GNAZ: variants seen among roughly 807,000 people sequenced by gnomAD.
The protein encoded by GNAZ is guanine nucleotide-binding protein G(z) subunit alpha.
Under a neutral mutation model 25.4 loss-of-function variants are expected in GNAZ, and 3 were observed. The observed-to-expected ratio is 0.12, with a 90% confidence interval of 0.05 to 0.30. GNAZ has a LOEUF of 0.30. GNAZ is among the 10% of genes least tolerant of loss of function. The probability of loss-of-function intolerance (pLI) is 1.00; values close to 1 mark genes in which losing one functional copy is unlikely to be tolerated. For synonymous variants in GNAZ, 211 were observed against 205.7 expected (o/e 1.03, Z -0.22); for missense variants, 241 against 501.8 (o/e 0.48, Z 4.97).
intron 2 of GNAZ, among the ~76,000 whole-genome samples, chr22:23,115,964 G>C (rs1031514345): frequency 1.3e-5 from 2 of 152,354 alleles, no homozygotes; most frequent in Middle Eastern, 3.4e-3. Flanking sequence ...GTTGGCTGAG[G>C]GCCTGGGCCA....
intron 2 of GNAZ, among the ~76,000 whole-genome samples, chr22:23,118,624 A>G (rs1369433108): frequency 6.6e-6 from 1 of 152,140 alleles, no homozygotes; most frequent in Non-Finnish European, 1.5e-5. Flanking sequence ...TGGGCCCCAT[A>G]TGTGAAGTGA....
chr22:23,123,071 A>G lies in GNAZ; in HGVS notation c.724-16A>G. ...TGCTGCGGGCCTGATTAACGCCAGT[A>G]CTTTCCTTTCCCCAGAGTCGGATGG... On this transcript the variant is annotated splice_polypyrimidine_tract_variant and intron_variant, in intron 2 of 2. Transcript: ENST00000615612. 6.4e-7 allele frequency: 1 copy of G among 1,572,256 alleles called. No individual in the cohort carries two copies. The highest frequency in any genetic ancestry group is 1.1e-5 in the South Asian group (1 of 90,082).
At chr22:23,087,245 T>G (rs2068845241) in intron 1 of GNAZ, among the ~76,000 whole-genome samples, 1 of 152,066 alleles carries the variant, frequency 6.6e-6, no homozygotes, top group Non-Finnish European at 1.5e-5. Flanking sequence ...GCAGGAGGAT[T>G]GCTTGAGCCC....
At chr22:23,077,154 C>A (rs2068528245) in intron 1 of GNAZ, among the ~76,000 whole-genome samples, 5 of 152,150 alleles carry the variant, frequency 3.3e-5, no homozygotes, top group African/African-American at 1.2e-4. Context: ...GACTGGTGAA[C>A]CTCACCACTG....
intron 1 of GNAZ, among the ~76,000 whole-genome samples, chr22:23,094,157 G>A (rs191640781): frequency 0.034 from 5,182 of 152,252 alleles, 303 homozygotes; most frequent in African/African-American, 0.12. Context: ...AGGGGCGAAT[G>A]CTGCCTGTGG....
Position 23,080,824 on chromosome 22 carries a change from G to A in GNAZ, c.-450+10254G>A, listed in dbSNP as rs149213849. Among the ~76,000 whole-genome samples the A allele has an allele frequency of 2.5e-3, 377 of 152,308 alleles. 1 individual carries two copies. Among genetic ancestry groups the A allele is most frequent in the African/African-American group, 8.5e-3 (353 of 41,564 alleles). On this transcript the variant is annotated intron_variant, in intron 1 of 2. Transcript: ENST00000615612. Reference sequence around the variant, plus strand: ...ACAAGCCTTGAGGAAATCTTGGCGCGCAAAAACCCTTTTTACCTCTGTCAT... The same window carrying A: ...ACAAGCCTTGAGGAAATCTTGGCGCACAAAAACCCTTTTTACCTCTGTCAT...
intron 2 of GNAZ, 74 bp from the exon 3 acceptor site, chr22:23,123,013 G>C (rs2070075601): frequency 2.1e-6 from 2 of 975,308 alleles, no homozygotes; most frequent in Non-Finnish European, 3.2e-6. Context: ...GGCTTCCTCT[G>C]GCAGGGCTGC....
At chr22:23,091,528 A>G (rs1329654936) in intron 1 of GNAZ, among the ~76,000 whole-genome samples, 2 of 148,756 alleles carry the variant, frequency 1.3e-5, no homozygotes, top group African/African-American at 5.0e-5. Flanking sequence ...ACACCGCAAT[A>G]GACCTACACA....
At chr22:23,070,929 G>C (rs569385306) in intron 1 of GNAZ, among the ~76,000 whole-genome samples, 93 of 152,204 alleles carry the variant, frequency 6.1e-4, no homozygotes, top group South Asian at 3.1e-3. Context: ...GAGCCCGGGC[G>C]GGCCAGGCGA....
At position 23,110,961 on chromosome 22, in the gene GNAZ, G is replaced by A. The variant is rs547553811; in HGVS notation, c.724-12126G>A. Among the ~76,000 whole-genome samples, 6 of 152,332 alleles carry A rather than the reference G, an allele frequency of 3.9e-5. No individual in the cohort carries two copies. The East Asian group carries it at 5.8e-4, about 15-fold the overall frequency. On this transcript the variant is annotated intron_variant, in intron 2 of 2. Coordinates refer to ENST00000615612, the MANE Select transcript of GNAZ (RefSeq NM_002073.4). ...GTCCTCTTGTCCACTTGGGGTCAGC[G>A]ACGATTCCATCTAGGTGCTGGGTGA...
At chr22:23,102,046 GGGCCACCCGT>G (rs1300779033) in intron 2 of GNAZ, among the ~76,000 whole-genome samples, 1 of 152,228 alleles carries the variant, frequency 6.6e-6, no homozygotes, top group African/African-American at 2.4e-5. Context: ...ACCTATAGCT[GGGCCACCCGT>G]GGCCTAGAGG....
chr22:23,122,809 T>C (rs2070069681), intron 2 of GNAZ: 2 of 516,998 alleles, frequency 3.9e-6, no homozygotes, highest in South Asian at 2.6e-5. Context: ...GCCCCAAAGC[T>C]ATATGTTGAG....
intron 1 of GNAZ, among the ~76,000 whole-genome samples, chr22:23,087,600 A>C (rs2068854123): frequency 6.6e-6 from 1 of 152,216 alleles, no homozygotes; most frequent in African/African-American, 2.4e-5. Flanking sequence ...TGTTATTATT[A>C]CTCAAATCAG....
At chr22:23,075,743 C>G (rs1329770913) in intron 1 of GNAZ, among the ~76,000 whole-genome samples, 1 of 152,172 alleles carries the variant, frequency 6.6e-6, no homozygotes. Context: ...CTCAGCCAGG[C>G]CTCTCATGGC....
chr22:23,111,801 T>G lies in GNAZ; in HGVS notation c.724-11286T>G, dbSNP rs529619549. 2.0e-5 allele frequency among the ~76,000 whole-genome samples: 3 copies of G among 152,290 alleles called. No individual in the cohort carries two copies. The East Asian group carries it at 5.8e-4, about 29-fold the overall frequency. On this transcript the variant is annotated intron_variant, in intron 2 of 2. Coordinates refer to ENST00000615612, the MANE Select transcript of GNAZ (RefSeq NM_002073.4). ...TCCACAGGGCAAGCCCCTTTGGACTTAACCCTGTTTGTGACAGCCCTGGTC... is the reference window on the plus strand; with the variant it reads ...TCCACAGGGCAAGCCCCTTTGGACTGAACCCTGTTTGTGACAGCCCTGGTC...
At chr22:23,108,261 C>T (rs574823718) in intron 2 of GNAZ, among the ~76,000 whole-genome samples, 11 of 152,370 alleles carry the variant, frequency 7.2e-5, no homozygotes, top group African/African-American at 2.6e-4. Flanking sequence ...GGAGAGCGGT[C>T]CCCAAGCAGA....
chr22:23,117,470 G>A (rs920400059), intron 2 of GNAZ, among the ~76,000 whole-genome samples: 27 of 152,194 alleles, frequency 1.8e-4, no homozygotes, highest in African/African-American at 5.1e-4. Flanking sequence ...CTCCCACTCC[G>A]TCCGGCTGAG....
intron 1 of GNAZ, among the ~76,000 whole-genome samples, chr22:23,072,533 G>C (rs1396187943): frequency 1.3e-5 from 2 of 152,140 alleles, no homozygotes; most frequent in East Asian, 3.9e-4. Flanking sequence ...GGATGTTTTT[G>C]CTCTCCCTCT....
chr22:23,079,012 G>A (rs148473856), intron 1 of GNAZ, among the ~76,000 whole-genome samples: 14 of 152,296 alleles, frequency 9.2e-5, no homozygotes, highest in Admixed American at 2.6e-4. Context: ...CACGTTGACC[G>A]ATTCCTCACT....
Sources: allele counts gnomAD v4.1 joint callset (sites outside exome capture counted in the v4.1 genomes callset), GRCh38; gene constraint gnomAD v4.1.1; transcripts MANE v1.5; gene names NCBI Gene and HGNC (gene_info 2026-07-23, HGNC 2026-07-21).